Variants in RALY observed in about 807,000 individuals in gnomAD.
RALY encodes the protein RNA-binding protein Raly.
A neutral mutation model predicts 30.7 loss-of-function variants in RALY; 15 were observed. The ratio of observed to expected loss-of-function variants is 0.49; its 90% CI spans 0.33 to 0.75. The LOEUF (loss-of-function observed/expected upper bound fraction) is 0.75, where lower values mean the gene tolerates loss of function less well. Ranked by LOEUF, RALY falls within the 30% of genes least tolerant of loss-of-function variation. The pLI is 0.02. For missense variants in RALY, 339 were observed against 414.3 expected (o/e 0.82, Z 1.58); for synonymous variants, 177 against 170.8 (o/e 1.04, Z -0.28).
At chr20:34,005,051 C>T (rs1601401384) in intron 1 of RALY, among the ~76,000 whole-genome samples, 1 of 152,170 alleles carries the variant, frequency 6.6e-6, no homozygotes, top group Non-Finnish European at 1.5e-5. Flanking sequence ...GGCCCTGCCT[C>T]CTTCCAGAGA....
At chr20:34,032,429 G>A (rs560062012) in intron 2 of RALY, among the ~76,000 whole-genome samples, 1 of 152,250 alleles carries the variant, frequency 6.6e-6, no homozygotes, top group East Asian at 1.9e-4. Context: ...GCTGACAGAT[G>A]GTGAGAAGGA....
intron 2 of RALY, among the ~76,000 whole-genome samples, chr20:34,055,389 C>G (rs1005392722): frequency 6.6e-6 from 1 of 152,174 alleles, no homozygotes; most frequent in Admixed American, 6.5e-5. Flanking sequence ...CTTTTCCTGG[C>G]TTTAGCATCT....
At chr20:33,995,780 C>T (rs1379984063) in intron 1 of RALY, among the ~76,000 whole-genome samples, 1 of 152,200 alleles carries the variant, frequency 6.6e-6, no homozygotes, top group African/African-American at 2.4e-5. Context: ...AGTAAGTTGT[C>T]TGAATTCAGA....
chr20:34,039,790 C>G (rs1159275361), intron 2 of RALY, among the ~76,000 whole-genome samples: 1 of 152,138 alleles, frequency 6.6e-6, no homozygotes, highest in East Asian at 1.9e-4. Context: ...CTAGCTTAAT[C>G]TTTCTGAACC....
In RALY at chr20:34,049,973, G is replaced by A. The variant is rs1374030512; in HGVS notation, c.-10+18369G>A. 2.6e-5 allele frequency among the ~76,000 whole-genome samples: 4 copies of A among 152,150 alleles called. No homozygotes were observed. In the East Asian group the frequency reaches 7.7e-4, roughly 29 times the overall value. On this transcript the variant is annotated intron_variant, in intron 2 of 9. Coordinates refer to ENST00000246194, the MANE Select transcript of RALY (RefSeq NM_016732.3). ...TGAAAAGCAGATCTAAGCTGACTGG[G>A]GAGAAAGAAAGGAGCTTATTTCAGG...
intron 2 of RALY, among the ~76,000 whole-genome samples, chr20:34,037,823 T>A (rs749728381): frequency 6.6e-5 from 10 of 152,178 alleles, no homozygotes; most frequent in Non-Finnish European, 1.3e-4. Context: ...GGATGAATGT[T>A]TGACCAGAGT....
intron 1 of RALY, among the ~76,000 whole-genome samples, chr20:34,001,020 T>A (rs1224560937): frequency 6.6e-6 from 1 of 152,200 alleles, no homozygotes; most frequent in Admixed American, 6.5e-5. Context: ...GTATTGAGAG[T>A]ATCTCAGAGG....
chr20:34,002,495 C>T lies in RALY; in HGVS notation c.-93+8364C>T, dbSNP rs183425418. 7.9e-5 allele frequency among the ~76,000 whole-genome samples: 12 copies of T among 152,336 alleles called. 1 individual carries two copies. The East Asian group carries it at 2.1e-3, about 27-fold the overall frequency. On this transcript the variant is annotated intron_variant, in intron 1 of 9. Transcript: ENST00000246194. Reference sequence around the variant, plus strand: ...AGGAAGACAGATAAGTAAAGCAAATCCAGCCTGCCGCCCTGGCTCATATAT... The same window carrying T: ...AGGAAGACAGATAAGTAAAGCAAATTCAGCCTGCCGCCCTGGCTCATATAT...
At chr20:34,065,096 C>A (rs1300040887) in intron 2 of RALY, 2 of 152,194 alleles carry the variant, frequency 1.3e-5, no homozygotes, top group Non-Finnish European at 2.9e-5. Context: ...GACTGGTGAG[C>A]ACGGTGTTTC....
intron 2 of RALY, among the ~76,000 whole-genome samples, chr20:34,060,979 A>G (rs1405888209): frequency 6.6e-6 from 1 of 152,200 alleles, no homozygotes; most frequent in African/African-American, 2.4e-5. Flanking sequence ...TTCAGGAATG[A>G]ATCTGGTGTC....
At chr20:34,066,052 G>A (rs949665976) in intron 2 of RALY, among the ~76,000 whole-genome samples, 1 of 152,104 alleles carries the variant, frequency 6.6e-6, no homozygotes, top group Non-Finnish European at 1.5e-5. Context: ...TGTTAAGACA[G>A]CCATTGAGAC....
intron 2 of RALY, among the ~76,000 whole-genome samples, chr20:34,057,077 T>C (rs1282519827): frequency 6.6e-6 from 1 of 152,152 alleles, no homozygotes; most frequent in East Asian, 1.9e-4. Context: ...AAAGCAGTAG[T>C]GTAAAAAATG....
chr20:34,002,488 A>G (rs924604035), intron 1 of RALY, among the ~76,000 whole-genome samples: 4 of 152,244 alleles, frequency 2.6e-5, no homozygotes, highest in African/African-American at 9.6e-5. Flanking sequence ...AGATAAGTAA[A>G]GCAAATCCAG....
rs2032278907 is a variant in RALY at position 34,031,536 on chromosome 20, C to CAAT, written c.-77_-76insATA. 3 of 152,152 alleles carry CAAT rather than the reference C, an allele frequency of 2.0e-5. No homozygotes were observed. Among genetic ancestry groups the CAAT allele is most frequent in the African/African-American group, 7.2e-5 (3 of 41,416 alleles). The allele number at this position is 152,152 out of a possible 1,614,324, so 9.4% of individuals were successfully genotyped here. ...CTCTATTGTAGGTGAGCCCTATTCC[C>CAAT]AGAGGCAGGTGGTGCTGACCCTGTA... On this transcript the variant is annotated 5_prime_UTR_variant, in exon 2 of 10. Coordinates refer to ENST00000246194, the MANE Select transcript of RALY (RefSeq NM_016732.3).
Position 34,077,084 on chromosome 20 carries a change from A to G in RALY, c.715A>G (p.Ser239Gly), listed in dbSNP as rs752821699. The stretch of plus-strand genomic sequence containing the variant: ...CGGCGGCGGCGGCGGTGGTGGTGGC[A>G]GCGGTGGCGGTGGCAGTGGTGGTGG... ...GAGGGGGGGG[S>G]GGGGSGGGGG... Residue 239 changes from serine to glycine, a missense_variant, in exon 8 of 10, where the codon AGC (serine) becomes GGC (glycine). This residue lies in a region of RALY where 268 missense variants were observed against 280.6 expected (regional missense o/e 0.95). Coordinates refer to ENST00000246194, the MANE Select transcript of RALY (RefSeq NM_016732.3). 1.4e-5 allele frequency: 23 copies of G among 1,605,232 alleles called. No homozygotes were observed. The highest frequency in any genetic ancestry group is 2.0e-5 in the Non-Finnish European group (23 of 1,176,200).
intron 2 of RALY, among the ~76,000 whole-genome samples, chr20:34,034,370 C>G (rs1276036031): frequency 6.6e-6 from 1 of 152,204 alleles, no homozygotes; most frequent in Non-Finnish European, 1.5e-5. Flanking sequence ...TTCCCTCCTA[C>G]TCTGAATATC....
intron 2 of RALY, among the ~76,000 whole-genome samples, chr20:34,053,138 G>A (rs890803249): frequency 2.0e-5 from 3 of 152,010 alleles, no homozygotes; most frequent in African/African-American, 7.3e-5. Flanking sequence ...GGGATTACAG[G>A]TGTGAGCCAC....
intron 1 of RALY, among the ~76,000 whole-genome samples, chr20:34,003,350 A>G (rs2031008294): frequency 6.6e-6 from 1 of 152,136 alleles, no homozygotes; most frequent in South Asian, 2.1e-4. Flanking sequence ...ACATGAGACA[A>G]TTTATATGTG....
chr20:34,079,078 C>G (rs1039171296), intron 9 of RALY, among the ~76,000 whole-genome samples: 7 of 152,178 alleles, frequency 4.6e-5, no homozygotes, highest in African/African-American at 1.7e-4. Flanking sequence ...TGGTAGAGGA[C>G]TCTGCTTATT....
Sources: allele counts gnomAD v4.1 joint callset (sites outside exome capture counted in the v4.1 genomes callset), GRCh38; gene constraint gnomAD v4.1.1; regional missense constraint gnomAD v4.1.1; transcripts MANE v1.5; gene names NCBI Gene and HGNC (gene_info 2026-07-23, HGNC 2026-07-21).